PACSIN2: variants seen among roughly 807,000 people sequenced by gnomAD.
PACSIN2 encodes protein kinase C and casein kinase substrate in neurons 2.
PACSIN2 carries 25 observed loss-of-function variants against 63.8 expected under a neutral mutation model. The observed-to-expected ratio is 0.39, with a 90% CI of 0.29 to 0.55. The LOEUF (loss-of-function observed/expected upper bound fraction) is 0.55. Ranked by LOEUF, PACSIN2 falls within the 20% of genes least tolerant of loss-of-function variation. The probability of loss-of-function intolerance (pLI) is 0.62; values close to 1 mark genes in which losing one functional copy is unlikely to be tolerated. For missense variants in PACSIN2, 518 were observed against 646.9 expected (o/e 0.80, Z 2.16); for synonymous variants, 255 against 256.2 (o/e 1.00, Z 0.05).
chr22:42,934,628 C>T (rs1038179974), intron 1 of PACSIN2, among the ~76,000 whole-genome samples: 23 of 152,326 alleles, frequency 1.5e-4, no homozygotes, highest in Admixed American at 3.3e-4. Flanking sequence ...TTGCAAGGCC[C>T]AGTTTGAGTG....
Position 42,870,290 on chromosome 22 carries a change from G to T in PACSIN2, c.*1067C>A, listed in dbSNP as rs1163671569. ...GCTGGTGACGACGAGCCTCCCTCCA[G>T]CAGGCACCACGTCAGAGAGGCCCCA... On this transcript the variant is annotated 3_prime_UTR_variant, in exon 11 of 11. Coordinates refer to ENST00000263246, the MANE Select transcript of PACSIN2 (RefSeq NM_001184970.3). The T allele has an allele frequency of 6.6e-6, 1 of 152,234 alleles. No individual in the cohort carries two copies. The highest frequency in any genetic ancestry group is 1.5e-5 in the Non-Finnish European group (1 of 68,044). 9.4% of individuals were successfully genotyped at this position (152,234 alleles called of 1,614,324 possible). A position where few individuals can be genotyped will look rare whatever the true frequency, so the allele number is the denominator to read the frequency against.
chr22:42,873,470 C>T (rs1928333260), intron 10 of PACSIN2, among the ~76,000 whole-genome samples: 1 of 152,190 alleles, frequency 6.6e-6, no homozygotes, highest in African/African-American at 2.4e-5. Flanking sequence ...AGCAGGCTGG[C>T]ACTCTGGGTG....
chr22:42,961,217 G>A (rs1381577159), intron 1 of PACSIN2, among the ~76,000 whole-genome samples: 1 of 152,206 alleles, frequency 6.6e-6, no homozygotes, highest in Non-Finnish European at 1.5e-5. Flanking sequence ...ATTCAAAAAT[G>A]TTCAGTTAAA....
intron 2 of PACSIN2, among the ~76,000 whole-genome samples, chr22:42,904,525 T>TAAAA (rs1930928933): frequency 6.6e-6 from 1 of 152,216 alleles, no homozygotes; most frequent in Admixed American, 6.5e-5. Context: ...CTGAGGCTTT[T>TAAAA]GGCAGAATTC....
chr22:42,876,834 G>GA, intron 9 of PACSIN2, 54 bp downstream of exon 9: 1 of 1,611,330 alleles, frequency 6.2e-7, no homozygotes, highest in Non-Finnish European at 8.5e-7. Flanking sequence ...CAGAGAGAGA[G>GA]GAAGAGAGAC....
intron 3 of PACSIN2, among the ~76,000 whole-genome samples, chr22:42,892,308 A>G (rs1467033168): frequency 6.6e-6 from 1 of 152,168 alleles, no homozygotes; most frequent in Non-Finnish European, 1.5e-5. Context: ...GAGTCATGAC[A>G]GAGGTGGGCT....
intron 1 of PACSIN2, among the ~76,000 whole-genome samples, chr22:42,993,210 A>G (rs1923167477): frequency 6.6e-6 from 1 of 152,120 alleles, no homozygotes; most frequent in Admixed American, 6.6e-5. Flanking sequence ...CATAGAATAC[A>G]TACTGTATGA....
At position 42,876,328 on chromosome 22, in the gene PACSIN2, C is replaced by T. The variant is rs755958498; in HGVS notation, c.1157G>A (p.Ser386Asn). ...EKDDTKAKNV[S>N]SYEKTQSYPT... ...ATAGCTCTGGGTCTTCTCGTAGCTG[C>T]TCACACTGCAAGAAAGGGGAGGCCA... The change falls in exon 10 of 11, where the codon AGC (serine) becomes AAC (asparagine). Residue 386 changes from serine to asparagine, a missense_variant. Coordinates refer to ENST00000263246, the MANE Select transcript of PACSIN2 (RefSeq NM_001184970.3). 1 of 1,613,244 alleles carries T rather than the reference C, an allele frequency of 6.2e-7. No individual in the cohort carries two copies. Among genetic ancestry groups the T allele is most frequent in the Non-Finnish European group, 8.5e-7 (1 of 1,179,228 alleles).
intron 8 of PACSIN2, among the ~76,000 whole-genome samples, chr22:42,877,598 T>C (rs915302697): frequency 2.0e-5 from 3 of 152,170 alleles, no homozygotes; most frequent in Non-Finnish European, 4.4e-5. Flanking sequence ...ATTCCTTTGG[T>C]GCTCCAGAGG....
At chr22:42,968,286 T>C (rs774781046) in intron 1 of PACSIN2, among the ~76,000 whole-genome samples, 19 of 151,608 alleles carry the variant, frequency 1.3e-4, no homozygotes, top group Non-Finnish European at 2.4e-4. Flanking sequence ...GTCTGCCACC[T>C]TTTTTTTCAT....
intron 2 of PACSIN2, among the ~76,000 whole-genome samples, chr22:42,907,747 T>C (rs1191538647): frequency 6.6e-6 from 1 of 152,248 alleles, no homozygotes; most frequent in Non-Finnish European, 1.5e-5. Context: ...ACGCTGGCTC[T>C]AGGAGGCCCG....
chr22:42,891,709 C>A (rs1261736459), intron 3 of PACSIN2, among the ~76,000 whole-genome samples: 3 of 152,196 alleles, frequency 2.0e-5, no homozygotes, highest in Admixed American at 2.0e-4. Context: ...CCCGGCCATG[C>A]CTTTCCTTTA....
chr22:42,966,319 C>T (rs983163220), intron 1 of PACSIN2, among the ~76,000 whole-genome samples: 1 of 150,658 alleles, frequency 6.6e-6, no homozygotes, highest in African/African-American at 2.4e-5. Context: ...GCAATGAGAT[C>T]GTGCCCCTGC....
intron 1 of PACSIN2, among the ~76,000 whole-genome samples, chr22:43,012,056 A>T (rs1375605043): frequency 6.6e-6 from 1 of 152,092 alleles, no homozygotes; most frequent in Non-Finnish European, 1.5e-5. Context: ...GAGGCAGGGG[A>T]ATCACTTGAA....
intron 1 of PACSIN2, among the ~76,000 whole-genome samples, chr22:42,912,783 C>G (rs1199658187): frequency 2.6e-5 from 4 of 152,216 alleles, no homozygotes; most frequent in Non-Finnish European, 5.9e-5. Context: ...AGTGTGATGA[C>G]CTGTCCGCAG....
intron 1 of PACSIN2, among the ~76,000 whole-genome samples, chr22:42,940,219 C>T (rs1208831203): frequency 6.6e-6 from 1 of 152,198 alleles, no homozygotes; most frequent in Admixed American, 6.5e-5. Flanking sequence ...AAAACTCAAA[C>T]TCCTTAACTA....
chr22:42,979,328 A>G (rs918578977), intron 1 of PACSIN2, among the ~76,000 whole-genome samples: 1 of 152,136 alleles, frequency 6.6e-6, no homozygotes, highest in African/African-American at 2.4e-5. Context: ...GTTTGAGACC[A>G]GCCTGGTCAA....
chr22:42,941,763 T>G (rs1243449372), intron 1 of PACSIN2, among the ~76,000 whole-genome samples: 1 of 151,888 alleles, frequency 6.6e-6, no homozygotes, highest in Non-Finnish European at 1.5e-5. Context: ...GAGTTTGGGG[T>G]TTTTGTTTTG....
chr22:42,889,675 A>T (rs1929761527), intron 4 of PACSIN2, among the ~76,000 whole-genome samples: 1 of 152,084 alleles, frequency 6.6e-6, no homozygotes, highest in Admixed American at 6.6e-5. Flanking sequence ...TGGGGGTGGC[A>T]CATCTACCGT....
Sources: gnomAD v4.1 joint callset for allele counts (sites outside exome capture counted in the v4.1 genomes callset) on GRCh38, gnomAD v4.1.1 for gene constraint, MANE v1.5 for transcripts, NCBI Gene and HGNC (gene_info 2026-07-23, HGNC 2026-07-21) for gene names.